SVIL: variants seen among roughly 807,000 people sequenced by gnomAD.
SVIL encodes the protein supervillin.
A neutral mutation model predicts 240.4 loss-of-function variants in SVIL; 101 were observed. The ratio of observed to expected loss-of-function variants is 0.42; its 90% CI spans 0.36 to 0.50. The LOEUF (loss-of-function observed/expected upper bound fraction) is 0.50, where lower values mean the gene tolerates loss of function less well. Among genes scored for constraint, SVIL ranks in the 20% least tolerant of loss-of-function variants. The pLI is 0.01. For synonymous variants in SVIL, 999 were observed against 1,100.0 expected (o/e 0.91, Z 1.82); for missense variants, 2,512 against 2,818.7 (o/e 0.89, Z 2.46).
At chr10:29,637,994 G>T (rs1410891816), upstream of SVIL, among the ~76,000 whole-genome samples, 1 of 152,128 alleles carries the variant, frequency 6.6e-6, no homozygotes, top group African/African-American at 2.4e-5. Context: ...CCACATGAGA[G>T]ACCCCTGTTC....
intron 1 of SVIL, among the ~76,000 whole-genome samples, chr10:29,722,349 T>A (rs1014465029): frequency 6.6e-6 from 1 of 151,874 alleles, no homozygotes; most frequent in Non-Finnish European, 1.5e-5. Context: ...AATAAAAAAG[T>A]GAGAGTTTGA....
chr10:29,657,629 C>T (rs1314638135), intron 3 of SVIL, among the ~76,000 whole-genome samples: 1 of 152,152 alleles, frequency 6.6e-6, no homozygotes, highest in Non-Finnish European at 1.5e-5. Flanking sequence ...ATTCACACTC[C>T]CCGAAAGCTC....
chr10:29,477,491 C>T lies in SVIL; in HGVS notation c.5377+3046G>A, dbSNP rs539068353. 2.9e-3 allele frequency among the ~76,000 whole-genome samples: 445 copies of T among 152,288 alleles called. 10 individuals carry two copies. In the South Asian group the frequency reaches 0.049, roughly 17 times the overall value. On this transcript the variant is annotated intron_variant, in intron 29 of 37. Coordinates refer to ENST00000355867, the MANE Select transcript of SVIL (RefSeq NM_021738.3). ...AGCAGGCCGGCCAGCATTGGCCAAG[C>T]GGAGGCTGTACCACCTGTGCAGCTG...
At chr10:29,546,535 G>T (rs183528567) in intron 6 of SVIL, among the ~76,000 whole-genome samples, 2 of 151,112 alleles carry the variant, frequency 1.3e-5, no homozygotes, top group African/African-American at 2.4e-5. Context: ...TATTATTCAG[G>T]TAAATATTGT....
chr10:29,588,369 CG>C (rs1229430640), intron 1 of SVIL, among the ~76,000 whole-genome samples: 1 of 151,854 alleles, frequency 6.6e-6, no homozygotes, highest in African/African-American at 2.4e-5. Context: ...CCCTTTGTGC[CG>C]GTGTCCAGTG....
chr10:29,470,201 T>G, intron 32 of SVIL, 75 bp downstream of exon 32: 1 of 1,549,286 alleles, frequency 6.5e-7, no homozygotes, highest in Non-Finnish European at 8.9e-7. Context: ...CTGGGAGTCT[T>G]GGTACCCCTG....
At chr10:29,606,555 A>G (rs1564694675) in intron 1 of SVIL, among the ~76,000 whole-genome samples, 1 of 152,186 alleles carries the variant, frequency 6.6e-6, no homozygotes, top group Non-Finnish European at 1.5e-5. Flanking sequence ...ATATACTTCA[A>G]TATGCATTTT....
chr10:29,481,144 G>GTA (rs1588904836), intron 28 of SVIL, among the ~76,000 whole-genome samples: 1 of 149,514 alleles, frequency 6.7e-6, no homozygotes, highest in East Asian at 1.9e-4. Flanking sequence ...GTGTGTGTGT[G>GTA]TGTGTGTGTG....
At chr10:29,631,007 T>G (rs1164217127) in intron 1 of SVIL, among the ~76,000 whole-genome samples, 2 of 152,154 alleles carry the variant, frequency 1.3e-5, no homozygotes, top group Admixed American at 1.3e-4. Context: ...ACCTAGTGAC[T>G]GCAGCCCTAG....
chr10:29,692,422 T>C (rs1961578777), intron 1 of SVIL, among the ~76,000 whole-genome samples: 1 of 152,028 alleles, frequency 6.6e-6, no homozygotes, highest in Admixed American at 6.6e-5. Context: ...TCAAAACCTC[T>C]TTCCTCTTCT....
intron 3 of SVIL, among the ~76,000 whole-genome samples, chr10:29,651,587 T>C (rs1958836555): frequency 6.6e-6 from 1 of 150,670 alleles, no homozygotes; most frequent in Admixed American, 6.6e-5. Flanking sequence ...AACTCCCCTC[T>C]CCTATTCTAC....
At chr10:29,702,987 T>C (rs1391243614) in intron 1 of SVIL, among the ~76,000 whole-genome samples, 7 of 152,130 alleles carry the variant, frequency 4.6e-5, no homozygotes, top group African/African-American at 1.2e-4. Flanking sequence ...TCCTTTCACT[T>C]TGCTGTAAAA....
At chr10:29,564,629 G>A (rs530459847) in intron 2 of SVIL, among the ~76,000 whole-genome samples, 16 of 151,894 alleles carry the variant, frequency 1.1e-4, no homozygotes, top group African/African-American at 3.9e-4. Flanking sequence ...TCTACCCCCT[G>A]TAAAAACTAC....
chr10:29,582,112 GA>G (rs1219421853), intron 1 of SVIL, among the ~76,000 whole-genome samples: 2 of 152,214 alleles, frequency 1.3e-5, no homozygotes, highest in Non-Finnish European at 2.9e-5. Flanking sequence ...TTGGAATGAT[GA>G]AAAAGTTCTG....
chr10:29,478,004 G>A (rs1946388381), intron 29 of SVIL, among the ~76,000 whole-genome samples: 2 of 152,096 alleles, frequency 1.3e-5, no homozygotes, highest in African/African-American at 4.8e-5. Context: ...GCTAAAGTAA[G>A]AAAATGGCTA....
intron 17 of SVIL, among the ~76,000 whole-genome samples, chr10:29,503,454 C>A (rs1949050427): frequency 1.3e-5 from 2 of 152,106 alleles, no homozygotes; most frequent in African/African-American, 4.8e-5. Context: ...TTAGACAGAG[C>A]CTGTGTGCTT....
At position 29,499,151 on chromosome 10, in the gene SVIL, G is replaced by A. The variant is rs751457702; in HGVS notation, c.3629C>T (p.Thr1210Ile). ...CATCCTGCCAGCCACAGTGAACTGG[G>A]TCGAGTCGTTGGCCGCTCCTCTGCC... ...TRGRGAANDS[T>I]QFTVAGRMVK... is the part of the protein sequence containing the mutation. Residue 1210 changes from threonine (T) to isoleucine (I), a missense_variant, in exon 18 of 38, where the codon ACC becomes ATC. Around this residue, in one of 3 missense-constraint regions of SVIL, gnomAD observed 272 missense variants for 406.8 expected, o/e 0.67. Coordinates refer to ENST00000355867, the MANE Select transcript of SVIL (RefSeq NM_021738.3). 56 of 1,613,882 alleles carry A rather than the reference G, an allele frequency of 3.5e-5. No homozygotes were observed. The highest frequency in any genetic ancestry group is 4.5e-5 in the Non-Finnish European group (53 of 1,180,012).
At chr10:29,507,119 A>T (rs563291427) in intron 17 of SVIL, among the ~76,000 whole-genome samples, 31 of 152,206 alleles carry the variant, frequency 2.0e-4, no homozygotes, top group Non-Finnish European at 3.5e-4. Context: ...CATGGTCTCT[A>T]GTTTTAATAG....
chr10:29,487,801 CTAAA>C (rs35782156), intron 23 of SVIL: 72,340 of 152,326 alleles, frequency 0.47, 17,434 homozygotes, highest in East Asian at 0.57. Flanking sequence ...ACACCTTTTC[CTAAA>C]TATTTGTTGA....
Sources: allele counts gnomAD v4.1 joint callset (sites outside exome capture counted in the v4.1 genomes callset), GRCh38; gene constraint gnomAD v4.1.1; regional missense constraint gnomAD v4.1.1; transcripts MANE v1.5; gene names NCBI Gene and HGNC (gene_info 2026-07-23, HGNC 2026-07-21).